Variants in RHOQ observed in about 807,000 individuals in gnomAD.
RHOQ encodes rho-related GTP-binding protein RhoQ.
Under a neutral mutation model 25.8 loss-of-function variants are expected in RHOQ, and 7 were observed. The observed-to-expected ratio is 0.27, with a 90% CI of 0.15 to 0.51. The LOEUF is 0.51. Among genes scored for constraint, RHOQ ranks in the 20% least tolerant of loss-of-function variants. The pLI is 0.97. For missense variants in RHOQ, 165 were observed against 260.6 expected, an observed-to-expected ratio of 0.63 and a Z score of 2.53; for synonymous variants, 97 against 98.6, an observed-to-expected ratio of 0.98 and a Z score of 0.10.
intron 2 of RHOQ, among the ~76,000 whole-genome samples, chr2:46,546,125 T>C (rs1333750971): frequency 6.6e-6 from 1 of 151,984 alleles, no homozygotes; most frequent in Non-Finnish European, 1.5e-5. Context: ...AACTTAGCAA[T>C]GATGAGACCA....
chr2:46,583,375 T>C lies in RHOQ; in HGVS notation c.*2292T>C, dbSNP rs1396872493. Among the ~76,000 whole-genome samples, 1 of 152,136 alleles carries C rather than the reference T, an allele frequency of 6.6e-6. No homozygotes were observed. Among genetic ancestry groups the C allele is most frequent in the Non-Finnish European group, 1.5e-5 (1 of 67,992 alleles). On this transcript the variant is annotated 3_prime_UTR_variant, in exon 5 of 5. Coordinates refer to ENST00000238738, the MANE Select transcript of RHOQ (RefSeq NM_012249.4). Reference sequence around the variant, plus strand: ...TCTCTCCCATTTATCACAGTAATTTTCTTATTCACAGTAATCATTGTTGGA... The same window carrying C: ...TCTCTCCCATTTATCACAGTAATTTCCTTATTCACAGTAATCATTGTTGGA...
At chr2:46,545,485 C>A (rs1457444906) in intron 2 of RHOQ, among the ~76,000 whole-genome samples, 1 of 152,206 alleles carries the variant, frequency 6.6e-6, no homozygotes, top group African/African-American at 2.4e-5. Flanking sequence ...GAGTTTTTTC[C>A]TACATATGGG....
chr2:46,561,417 G>A (rs1398383845), intron 2 of RHOQ, among the ~76,000 whole-genome samples: 3 of 151,966 alleles, frequency 2.0e-5, no homozygotes, highest in Admixed American at 2.0e-4. Context: ...GGGAGGTGTG[G>A]GAGCAGCCTA....
rs557488131 is a variant in RHOQ, at chr2:46,576,123, A to G, written c.238A>G (p.Met80Val). 5.8e-5 allele frequency: 94 copies of G among 1,611,380 alleles called. No homozygotes were observed. Among genetic ancestry groups the G allele is most frequent in the Non-Finnish European group, 6.7e-5 (79 of 1,178,868 alleles). The change falls in exon 3 of 5, where the codon ATG (methionine) becomes GTG (valine). Residue 80 changes from methionine to valine, a missense_variant. Physicochemically the swap from Met to Val is conservative, Grantham distance 21. Coordinates refer to ENST00000238738, the MANE Select transcript of RHOQ (RefSeq NM_012249.4). This position sits in a 1 kb window ranked among gnomAD's most constrained non-coding sequence, Gnocchi z 5.1. ...CCGTCTGAGGCCTTTATCTTACCCAATGACCGATGTCTTCCTTATATGCTT... is the reference window on the plus strand; with the variant it reads ...CCGTCTGAGGCCTTTATCTTACCCAGTGACCGATGTCTTCCTTATATGCTT... ...YDRLRPLSYP[M>V]TDVFLICFSV...
In RHOQ at chr2:46,548,787, C is replaced by T. The variant is rs1311697448; in HGVS notation, c.201+4975C>T. ...ATTTGTCATGTGTGCATTTTGCTAACCTTTTTAGAAGCTATTTATATCTCT... is the reference window on the plus strand; with the variant it reads ...ATTTGTCATGTGTGCATTTTGCTAATCTTTTTAGAAGCTATTTATATCTCT... On this transcript the variant is annotated intron_variant, in intron 2 of 4. Coordinates refer to ENST00000238738, the MANE Select transcript of RHOQ (RefSeq NM_012249.4). The surrounding 1 kb of genome is among the most constrained non-coding windows in gnomAD (Gnocchi z 5.2). Among the ~76,000 whole-genome samples, 2 of 152,176 alleles carry T rather than the reference C, an allele frequency of 1.3e-5. No homozygotes were observed. The highest frequency in any genetic ancestry group is 2.9e-5 in the Non-Finnish European group (2 of 68,040).
intron 2 of RHOQ, among the ~76,000 whole-genome samples, chr2:46,545,009 T>C (rs1256883193): frequency 6.6e-6 from 1 of 152,210 alleles, no homozygotes; most frequent in African/African-American, 2.4e-5. Flanking sequence ...ACATGCCTTA[T>C]TGAGGGGGAG....
chr2:46,571,947 A>G (rs914267399), intron 2 of RHOQ, among the ~76,000 whole-genome samples: 3 of 152,102 alleles, frequency 2.0e-5, no homozygotes, highest in Non-Finnish European at 4.4e-5. Context: ...TGCAGAAGTA[A>G]GGCTCATGGG....
intron 4 of RHOQ, among the ~76,000 whole-genome samples, chr2:46,578,006 G>C (rs1399110598): frequency 6.6e-6 from 1 of 152,014 alleles, no homozygotes; most frequent in Non-Finnish European, 1.5e-5. Flanking sequence ...CAGAAAAATG[G>C]GTTAACATCC....
At chr2:46,578,569 CAAAAAAAAAAAAAAAA>C (rs755333304) in intron 4 of RHOQ, among the ~76,000 whole-genome samples, 51 of 24,066 alleles carry the variant, frequency 2.1e-3, no homozygotes, top group East Asian at 0.016. Context: ...CCATCTCTAC[CAAAAAAAAAAAAAAAA>C]AAAAAAAAAA....
intron 2 of RHOQ, among the ~76,000 whole-genome samples, chr2:46,553,467 C>G (rs943147130): frequency 2.0e-5 from 3 of 152,164 alleles, no homozygotes; most frequent in African/African-American, 7.2e-5. Flanking sequence ...AGCAGTTACT[C>G]TTTGTGCTAC....
At chr2:46,547,184 C>G (rs937961608) in intron 2 of RHOQ, among the ~76,000 whole-genome samples, 1 of 152,180 alleles carries the variant, frequency 6.6e-6, no homozygotes, top group African/African-American at 2.4e-5. Context: ...TGCCTTCTCT[C>G]CAAAATGTTC....
At chr2:46,573,999 C>A (rs1414516277) in intron 2 of RHOQ, among the ~76,000 whole-genome samples, 2 of 152,166 alleles carry the variant, frequency 1.3e-5, no homozygotes, top group African/African-American at 2.4e-5. Flanking sequence ...GAGGGAGCTG[C>A]AAAGCTGAGG....
chr2:46,578,868 TA>T, intron 4 of RHOQ, among the ~76,000 whole-genome samples: 1 of 151,938 alleles, frequency 6.6e-6, no homozygotes, highest in South Asian at 2.1e-4. Flanking sequence ...TGATAGATGT[TA>T]ATTATGTTGA....
chr2:46,581,235 G>A lies in RHOQ; in HGVS notation c.*152G>A, dbSNP rs926374965. ...CTCAGAATTCTATAAAGTGTATTAA[G>A]AATGTTCCTTAAAGGTTTAAGAAGC... On this transcript the variant is annotated 3_prime_UTR_variant, in exon 5 of 5. Coordinates refer to ENST00000238738, the MANE Select transcript of RHOQ (RefSeq NM_012249.4). 257 of 998,516 alleles carry A rather than the reference G, an allele frequency of 2.6e-4. 1 individual carries two copies. The highest frequency in any genetic ancestry group is 5.9e-5 in the Non-Finnish European group (41 of 693,694). The allele number at this position is 998,516 out of a possible 1,614,324, so 61.9% of individuals were successfully genotyped here.
intron 2 of RHOQ, among the ~76,000 whole-genome samples, chr2:46,575,442 C>CACACACAA (rs1237331804): frequency 3.7e-5 from 5 of 136,504 alleles, no homozygotes; most frequent in Non-Finnish European, 3.2e-5. Context: ...CACACACACA[C>CACACACAA]AATTAATAAA....
At position 46,548,888 on chromosome 2, in the gene RHOQ, A is replaced by T. The variant is rs780122504; in HGVS notation, c.201+5076A>T. Among the ~76,000 whole-genome samples, 6 of 152,088 alleles carry T rather than the reference A, an allele frequency of 3.9e-5. No homozygotes were observed. The highest frequency in any genetic ancestry group is 1.4e-4 in the African/African-American group (6 of 41,394). On this transcript the variant is annotated intron_variant, in intron 2 of 4. Transcript: ENST00000238738. This position sits in a 1 kb window ranked among gnomAD's most constrained non-coding sequence, Gnocchi z 5.2. ...AGGTGGATAGCCTTTGTTGACTCCA[A>T]AGCCTTTGCTGTGTTCGCTCCAAAG...
At chr2:46,565,699 GACTGCA>G (rs1558688551) in intron 2 of RHOQ, among the ~76,000 whole-genome samples, 1 of 152,228 alleles carries the variant, frequency 6.6e-6, no homozygotes, top group African/African-American at 2.4e-5. Context: ...CCTGCACAAT[GACTGCA>G]GCTGACTTTT....
At chr2:46,560,398 C>G (rs1668537601) in intron 2 of RHOQ, 5 of 329,170 alleles carry the variant, frequency 1.5e-5, no homozygotes, top group Non-Finnish European at 2.5e-5. Flanking sequence ...TTGGCTGGGA[C>G]TTAACTGAAG....
chr2:46,563,403 T>C (rs1440554075), intron 2 of RHOQ, among the ~76,000 whole-genome samples: 2 of 152,216 alleles, frequency 1.3e-5, no homozygotes, highest in Non-Finnish European at 2.9e-5. Context: ...GGCACTCTTC[T>C]GGGCTGTAAA....
Sources: allele counts gnomAD v4.1 joint callset (sites outside exome capture counted in the v4.1 genomes callset), GRCh38; gene constraint gnomAD v4.1.1; non-coding constraint Gnocchi (gnomAD v3.1); transcripts MANE v1.5; gene names NCBI Gene and HGNC (gene_info 2026-07-23, HGNC 2026-07-21).